Variants in GSE1 observed in about 807,000 individuals in gnomAD.
The protein encoded by GSE1 is Gse1 coiled-coil protein.
Under a neutral mutation model 112.6 loss-of-function variants are expected in GSE1, and 32 were observed. The ratio of observed to expected loss-of-function variants is 0.28; its 90% confidence interval spans 0.21 to 0.38. The LOEUF (loss-of-function observed/expected upper bound fraction) is 0.38, where lower values mean the gene tolerates loss of function less well. Among genes scored for constraint, GSE1 ranks in the 10% least tolerant of loss-of-function variants. GSE1 has a pLI of 1.00. For synonymous variants in GSE1, 1,115 were observed against 735.6 expected (o/e 1.52, Z -8.35); for missense variants, 2,348 against 1,699.2 (o/e 1.38, Z -6.71).
intron 1 of GSE1, among the ~76,000 whole-genome samples, chr16:85,214,279 G>C (rs1317601206): frequency 1.3e-5 from 2 of 152,196 alleles, no homozygotes; most frequent in Non-Finnish European, 1.5e-5. Flanking sequence ...CAGAACCTGT[G>C]AGTGTGACCT....
chr16:85,194,465 T>A (rs764386932), intron 1 of GSE1, among the ~76,000 whole-genome samples: 11 of 151,982 alleles, frequency 7.2e-5, no homozygotes, highest in Non-Finnish European at 1.3e-4. Flanking sequence ...TTGCAAACAA[T>A]CAGGATTCAG....
At position 85,250,617 on chromosome 16, in the gene GSE1, G is replaced by A. The variant is rs534197335; in HGVS notation, c.2283+78810G>A. 2.0e-5 allele frequency among the ~76,000 whole-genome samples: 3 copies of A among 152,326 alleles called. No homozygotes were observed. The South Asian group carries it at 6.2e-4, about 32-fold the overall frequency. ...AAAATACCCCAATGTATGAAAAATG[G>A]CATTTTGTAAGTGCTATTTTAAGTG... is the stretch of plus-strand genomic sequence containing the variant. On this transcript the variant is annotated intron_variant, in intron 1 of 2. Coordinates refer to the GSE1 transcript ENST00000637419.
intron 2 of GSE1, among the ~76,000 whole-genome samples, chr16:85,414,172 C>G (rs1468285878): frequency 6.6e-6 from 1 of 152,204 alleles, no homozygotes; most frequent in African/African-American, 2.4e-5. Context: ...TTCCATGCCA[C>G]AGGTCTATGG....
chr16:85,372,347 C>T (rs1567718235), intron 2 of GSE1, among the ~76,000 whole-genome samples: 1 of 152,026 alleles, frequency 6.6e-6, no homozygotes, highest in African/African-American at 2.4e-5. Context: ...AGTATGGTGG[C>T]TCATGCCTGT....
At chr16:85,497,921 G>A (rs1290511323) in intron 2 of GSE1, among the ~76,000 whole-genome samples, 1 of 152,170 alleles carries the variant, frequency 6.6e-6, no homozygotes, top group Non-Finnish European at 1.5e-5. Context: ...GGAAACCAAA[G>A]CCTGGGGAGC....
rs139094874 is a variant in GSE1, at chr16:85,211,238, C to G, written c.2283+39431C>G. ...ACCCAGCCCCCTGGCCAAGCTGCCCCTTCCCATGCCAGAAAGCATGTGGGG... is the reference window on the plus strand; with the variant it reads ...ACCCAGCCCCCTGGCCAAGCTGCCCGTTCCCATGCCAGAAAGCATGTGGGG... On this transcript the variant is annotated intron_variant, in intron 1 of 2. Transcript: ENST00000637419. Among the ~76,000 whole-genome samples, 542 of 152,220 alleles carry G rather than the reference C, an allele frequency of 3.6e-3. 6 individuals carry two copies. Among genetic ancestry groups the G allele is most frequent in the African/African-American group, 0.012 (497 of 41,536 alleles).
chr16:85,631,135 C>T (rs1382396866), intron 1 of GSE1, among the ~76,000 whole-genome samples: 1 of 152,200 alleles, frequency 6.6e-6, no homozygotes, highest in Non-Finnish European at 1.5e-5. Context: ...CGTGTGGGTC[C>T]CTGTGAGGGT....
At chr16:85,480,324 A>C (rs1357516396) in intron 2 of GSE1, among the ~76,000 whole-genome samples, 1 of 151,822 alleles carries the variant, frequency 6.6e-6, no homozygotes, top group South Asian at 2.1e-4. Flanking sequence ...CGGGACTGGG[A>C]GTTTTCCTGG....
Position 85,668,194 on chromosome 16 carries a change from A to G in GSE1, c.3185A>G (p.His1062Arg), listed in dbSNP as rs772047977. 4 of 1,610,324 alleles carry G rather than the reference A, an allele frequency of 2.5e-6. No homozygotes were observed. Among genetic ancestry groups the G allele is most frequent in the African/African-American group, 1.3e-5 (1 of 74,858 alleles). The change falls in exon 14 of 16, where the codon CAC becomes CGC. Residue 1062 changes from histidine (H) to arginine (R), a missense_variant. By Grantham distance (29) the His-to-Arg change is conservative. Coordinates refer to ENST00000253458, the MANE Select transcript of GSE1 (RefSeq NM_014615.5). ...EQNHKVDTSV[H>R]YNIPELQSSS... ...AACCACAAGGTTGACACGTCCGTCC[A>G]CTACAACATTCCTGAGCTGCAGTCC...
chr16:85,587,168 ACC>A (rs71153805), intron 1 of GSE1, among the ~76,000 whole-genome samples: 35 of 116,738 alleles, frequency 3.0e-4, no homozygotes, highest in African/African-American at 4.4e-4. Flanking sequence ...TGAGGACGAA[ACC>A]CCCCCCCCCC....
At chr16:85,246,471 GCACA>G (rs143143067) in intron 1 of GSE1, among the ~76,000 whole-genome samples, 9,964 of 36,602 alleles carry the variant, frequency 0.27, 1,767 homozygotes, top group East Asian at 0.59. Flanking sequence ...CCCACACGCT[GCACA>G]CACACACACA....
intron 2 of GSE1, among the ~76,000 whole-genome samples, chr16:85,422,317 G>A (rs1462293900): frequency 6.6e-6 from 1 of 152,172 alleles, no homozygotes; most frequent in Non-Finnish European, 1.5e-5. Context: ...CACAGGCGAG[G>A]CTCCCGGCAA....
At chr16:85,195,676 C>A (rs531340199) in intron 1 of GSE1, among the ~76,000 whole-genome samples, 1 of 152,146 alleles carries the variant, frequency 6.6e-6, no homozygotes, top group East Asian at 1.9e-4. Flanking sequence ...ACCACTGCAG[C>A]GTCTTGTGGT....
chr16:85,170,351 A>T (rs1278972021), exon 1 of GSE1: 2 of 985,324 alleles, frequency 2.0e-6, no homozygotes, highest in Non-Finnish European at 2.4e-6. Flanking sequence ...AGGAGCATTC[A>T]GGATCCCTGG....
chr16:85,638,655 G>A (rs912093602), intron 2 of GSE1, among the ~76,000 whole-genome samples: 5 of 38,370 alleles, frequency 1.3e-4, no homozygotes, highest in African/African-American at 4.2e-4. Context: ...TCCCACCCCC[G>A]CCTCCCCTTC....
intron 1 of GSE1, among the ~76,000 whole-genome samples, chr16:85,256,802 C>G (rs1188237518): frequency 6.6e-6 from 1 of 152,266 alleles, no homozygotes; most frequent in Non-Finnish European, 1.5e-5. Flanking sequence ...GTTTTACTCT[C>G]CAGCTTTGGG....
intron 2 of GSE1, among the ~76,000 whole-genome samples, chr16:85,359,942 G>A (rs2047028726): frequency 6.6e-6 from 1 of 152,204 alleles, no homozygotes; most frequent in Non-Finnish European, 1.5e-5. Context: ...GCTGAGGTGG[G>A]AGGATCACTT....
At chr16:85,315,648 A>G (rs994840615) in intron 1 of GSE1, among the ~76,000 whole-genome samples, 1 of 152,192 alleles carries the variant, frequency 6.6e-6, no homozygotes, top group Non-Finnish European at 1.5e-5. Context: ...ACCGTGTGTA[A>G]GGCAAGAGAG....
chr16:85,589,832 ATGTG>A (rs769335578), intron 1 of GSE1, among the ~76,000 whole-genome samples: 47 of 150,092 alleles, frequency 3.1e-4, no homozygotes, highest in Admixed American at 7.9e-4. Flanking sequence ...ATATGTGTGA[ATGTG>A]TGTGAACATG....
Sources: gnomAD v4.1 joint callset for allele counts (sites outside exome capture counted in the v4.1 genomes callset) on GRCh38, gnomAD v4.1.1 for gene constraint, MANE v1.5 for transcripts, NCBI Gene and HGNC (gene_info 2026-07-23, HGNC 2026-07-21) for gene names.